RBM38: variants seen among roughly 807,000 people sequenced by gnomAD.
RBM38 encodes RNA binding motif protein 38.
A neutral mutation model predicts 23.5 loss-of-function variants in RBM38; 11 were observed. That is an observed-to-expected ratio of 0.47 (90% CI 0.29 to 0.77). RBM38 has a LOEUF of 0.77. Ranked by LOEUF, RBM38 falls within the 30% of genes least tolerant of loss-of-function variation. The probability of loss-of-function intolerance (pLI) is 0.08; values close to 1 mark genes in which losing one functional copy is unlikely to be tolerated. For missense variants in RBM38, 330 were observed against 351.9 expected, an observed-to-expected ratio of 0.94 and a Z score of 0.50; for synonymous variants, 165 against 166.1, an observed-to-expected ratio of 0.99 and a Z score of 0.05.
intron 3 of RBM38, among the ~76,000 whole-genome samples, chr20:57,406,893 C>T (rs928216279): frequency 6.6e-6 from 1 of 151,568 alleles, no homozygotes; most frequent in Non-Finnish European, 1.5e-5. Flanking sequence ...ACTCAGGAGG[C>T]TGAGGCAGGA....
chr20:57,408,092 C>A lies in RBM38; in HGVS notation c.*246C>A. Reference sequence around the variant, plus strand: ...AATGACTGAGAACTATTTAAAGACGCAATCCCAGGTTCCTTGCACACCATG... The same window carrying A: ...AATGACTGAGAACTATTTAAAGACGAAATCCCAGGTTCCTTGCACACCATG... On this transcript the variant is annotated 3_prime_UTR_variant, in exon 4 of 4. Transcript: ENST00000356208. The A allele has an allele frequency of 1.7e-6, 1 of 574,214 alleles. No individual in the cohort carries two copies. The highest frequency in any genetic ancestry group is 3.1e-6 in the Non-Finnish European group (1 of 322,102). 35.6% of individuals were successfully genotyped at this position (574,214 alleles called of 1,614,324 possible).
intron 1 of RBM38, chr20:57,392,223 G>T (rs1440210714): frequency 1.2e-5 from 4 of 343,436 alleles, no homozygotes; most frequent in Non-Finnish European, 2.3e-5. Context: ...CCTCTCAGCC[G>T]CCCCAAATAA....
chr20:57,400,647 C>T lies in RBM38; in HGVS notation c.417-6896C>T, dbSNP rs544389922. Among the ~76,000 whole-genome samples the T allele has an allele frequency of 2.0e-5, 3 of 152,238 alleles. No homozygotes were observed. In the South Asian group the frequency reaches 6.2e-4, roughly 32 times the overall value. On this transcript the variant is annotated intron_variant, in intron 3 of 3. Transcript: ENST00000356208. ...TTGGGTGGCATGTGGGGGGTCTGTC[C>T]CACCCATTCCTGTGGTTTCTTCCTT...
chr20:57,394,692 G>A (rs2146203722), intron 3 of RBM38, among the ~76,000 whole-genome samples: 1 of 152,284 alleles, frequency 6.6e-6, no homozygotes, highest in East Asian at 1.9e-4. Flanking sequence ...GGACACTGTA[G>A]CCTTCATGCC....
At chr20:57,396,627 C>T (rs2067277203) in intron 3 of RBM38, among the ~76,000 whole-genome samples, 1 of 152,198 alleles carries the variant, frequency 6.6e-6, no homozygotes, top group Non-Finnish European at 1.5e-5. Flanking sequence ...TCACAGAGTG[C>T]CTCATATGTA....
In RBM38 at chr20:57,408,286, T is replaced by C. The variant is rs1057131532; in HGVS notation, c.*440T>C. 2 of 224,206 alleles carry C rather than the reference T, an allele frequency of 8.9e-6. No individual in the cohort carries two copies. Among genetic ancestry groups the C allele is most frequent in the African/African-American group, 2.2e-5 (1 of 45,030 alleles). 13.9% of individuals were successfully genotyped at this position (224,206 alleles called of 1,614,324 possible). A position where few individuals can be genotyped will look rare whatever the true frequency, so the allele number is the denominator to read the frequency against. On this transcript the variant is annotated 3_prime_UTR_variant, in exon 4 of 4. Transcript: ENST00000356208. ...GGGAAACCTGAAAGCAAGAAGTTAA[T>C]GGACTGTTTATTGTAACTTGATCCT...
At chr20:57,392,612 G>C in intron 1 of RBM38, 42 bp from the exon 2 acceptor site, 3 of 1,582,842 alleles carry the variant, frequency 1.9e-6, no homozygotes, top group South Asian at 1.1e-5. Context: ...TTCGCCCCTG[G>C]TTCCCCCCAC....
intron 3 of RBM38, among the ~76,000 whole-genome samples, chr20:57,398,618 T>C (rs2067298333): frequency 6.6e-6 from 1 of 152,232 alleles, no homozygotes. Context: ...ACCGTGGCCC[T>C]CCTGGGCGGG....
In RBM38 at chr20:57,407,756, C is replaced by T. The variant is rs143107197; in HGVS notation, c.630C>T (p.Ala210=). ...ASFVGYSYPA[A]VPQALSAAAP... is the part of the protein sequence containing the mutation. ...TCGTGGGCTACAGCTACCCTGCCGC[C>T]GTGCCCCAGGCCCTCTCAGCCGCAG... The change falls in exon 4 of 4, where the codon GCC becomes GCT. Residue 210 remains alanine, a synonymous_variant. Transcript: ENST00000356208. This position sits in a 1 kb window ranked among gnomAD's most constrained non-coding sequence, Gnocchi z 4.0. 7 of 1,610,306 alleles carry T rather than the reference C, an allele frequency of 4.3e-6. No homozygotes were observed. Among genetic ancestry groups the T allele is most frequent in the African/African-American group, 1.3e-5 (1 of 75,036 alleles).
chr20:57,403,387 T>C (rs1039823880), intron 3 of RBM38, among the ~76,000 whole-genome samples: 2 of 152,206 alleles, frequency 1.3e-5, no homozygotes, highest in African/African-American at 2.4e-5. Flanking sequence ...CGTGGCTGCT[T>C]CTACCTTAAC....
intron 3 of RBM38, among the ~76,000 whole-genome samples, chr20:57,395,912 G>A (rs1053786710): frequency 4.6e-5 from 7 of 152,332 alleles, no homozygotes; most frequent in Middle Eastern, 3.4e-3. Context: ...CTGAGGGCAT[G>A]GAGGGAGGTG....
intron 3 of RBM38, among the ~76,000 whole-genome samples, chr20:57,398,237 T>G (rs1009467213): frequency 6.8e-6 from 1 of 147,662 alleles, no homozygotes; most frequent in African/African-American, 2.7e-5. Context: ...AGGAGCTGTT[T>G]GCAGGTGATG....
chr20:57,404,730 C>T (rs765205704), intron 3 of RBM38, among the ~76,000 whole-genome samples: 12 of 152,276 alleles, frequency 7.9e-5, no homozygotes, highest in Non-Finnish European at 1.3e-4. Context: ...AGCCATCTCC[C>T]TGACAGAACG....
chr20:57,391,718 C>T lies in RBM38; in HGVS notation c.137C>T (p.Thr46Ile), dbSNP rs1480448196. The change falls in exon 1 of 4, where the codon ACC becomes ATC. Residue 46 changes from threonine (T) to isoleucine (I), a missense_variant. Thr to Ile is a moderately conservative substitution (Grantham distance 89). This residue lies in a region of RBM38 where 95 missense variants were observed against 111.9 expected (regional missense o/e 0.85). Transcript: ENST00000356208. Reference sequence around the variant, plus strand: ...GTGGGCGGCCTGCCGTACCACACTACCGACGCCTCGCTCAGGAAGTACTTC... The same window carrying T: ...GTGGGCGGCCTGCCGTACCACACTATCGACGCCTCGCTCAGGAAGTACTTC... Reference protein sequence around the residue: ...IFVGGLPYHTTDASLRKYFEG... With the variant: ...IFVGGLPYHTIDASLRKYFEG... 2.6e-6 allele frequency: 4 copies of T among 1,538,422 alleles called. No homozygotes were observed. Among genetic ancestry groups the T allele is most frequent in the African/African-American group, 2.8e-5 (2 of 71,554 alleles).
chr20:57,406,368 A>T lies in RBM38; in HGVS notation c.417-1175A>T, dbSNP rs115187763. On this transcript the variant is annotated intron_variant, in intron 3 of 3. Coordinates refer to ENST00000356208, the MANE Select transcript of RBM38 (RefSeq NM_017495.6). ...GAAGTGTTGGCCTCAATGCGTTTCC[A>T]CAGTGGCCTGCCCAGGTAGGGTTAA... is the stretch of plus-strand genomic sequence containing the variant. 4.5e-3 allele frequency among the ~76,000 whole-genome samples: 691 copies of T among 152,244 alleles called. 3 individuals carry two copies. Among genetic ancestry groups the T allele is most frequent in the African/African-American group, 0.016 (661 of 41,558 alleles).
intron 3 of RBM38, among the ~76,000 whole-genome samples, chr20:57,401,529 C>T (rs1364963421): frequency 6.6e-6 from 1 of 152,256 alleles, no homozygotes; most frequent in African/African-American, 2.4e-5. Context: ...AAAGCCGGGG[C>T]CTGCCTCAGA....
Position 57,406,493 on chromosome 20 carries a change from G to A in RBM38, c.417-1050G>A, listed in dbSNP as rs1016621737. On this transcript the variant is annotated intron_variant, in intron 3 of 3. Transcript: ENST00000356208. ...GCCCCGTGTGTGAAATGGGCCTCAT[G>A]ATGGGAAGACCAAGCCGACGGGGTG... Among the ~76,000 whole-genome samples, 14 of 152,318 alleles carry A rather than the reference G, an allele frequency of 9.2e-5. No individual in the cohort carries two copies. In the South Asian group the frequency reaches 2.1e-3, roughly 23 times the overall value.
intron 3 of RBM38, among the ~76,000 whole-genome samples, chr20:57,400,626 G>A (rs1568810334): frequency 6.6e-6 from 1 of 152,218 alleles, no homozygotes. Flanking sequence ...TGGGGCTTGG[G>A]TGGCATGTGG....
intron 1 of RBM38, chr20:57,392,149 GAGGAGCAATGGCTCCACCCCGGGGTGTT>G: frequency 3.9e-6 from 1 of 255,842 alleles, no homozygotes; most frequent in South Asian, 3.5e-5. Context: ...AGCGGGGGGT[GAGGAGCAATGGCTCCACCCCGGGGTGTT>G]AGGAGCTCTT....
Sources: allele counts gnomAD v4.1 joint callset (sites outside exome capture counted in the v4.1 genomes callset), GRCh38; gene constraint gnomAD v4.1.1; regional missense constraint gnomAD v4.1.1; non-coding constraint Gnocchi (gnomAD v3.1); transcripts MANE v1.5; gene names NCBI Gene and HGNC (gene_info 2026-07-23, HGNC 2026-07-21).